Variants in CSRNP3 observed in about 807,000 individuals in gnomAD.
CSRNP3 encodes cysteine and serine rich nuclear protein 3, also known as cysteine/serine-rich nuclear protein 3.
A neutral mutation model predicts 48.0 loss-of-function variants in CSRNP3; 12 were observed. The observed-to-expected ratio is 0.25, with a 90% CI of 0.16 to 0.41. The LOEUF is 0.41. CSRNP3 is among the 10% of genes least tolerant of loss of function. The pLI, the probability that CSRNP3 is intolerant of heterozygous loss-of-function variation, is 1.00. For missense variants in CSRNP3, 580 were observed against 724.4 expected, an observed-to-expected ratio of 0.80 and a Z score of 2.29; for synonymous variants, 263 against 269.7, an observed-to-expected ratio of 0.98 and a Z score of 0.24.
chr2:165,661,495 C>T (rs1281180439), intron 5 of CSRNP3, among the ~76,000 whole-genome samples: 1 of 152,140 alleles, frequency 6.6e-6, no homozygotes. Context: ...CTGTATCATG[C>T]AAGGATATTG....
chr2:165,492,724 T>TAAAAAAAA (rs11304265), intron 1 of CSRNP3, among the ~76,000 whole-genome samples: 1 of 110,158 alleles, frequency 9.1e-6, no homozygotes, highest in Non-Finnish European at 1.8e-5. Flanking sequence ...ACTATTAGAG[T>TAAAAAAAA]AAAAAAAAAA....
At chr2:165,513,872 C>A (rs1037837585) in intron 2 of CSRNP3, among the ~76,000 whole-genome samples, 2 of 152,112 alleles carry the variant, frequency 1.3e-5, no homozygotes, top group African/African-American at 4.8e-5. Context: ...CTTTACTTTC[C>A]CCATCAGCAT....
chr2:165,569,988 G>A (rs1685347192), intron 3 of CSRNP3, among the ~76,000 whole-genome samples: 1 of 151,868 alleles, frequency 6.6e-6, no homozygotes, highest in Admixed American at 6.6e-5. Flanking sequence ...ATTCTTTTAA[G>A]CAATCATTAG....
intron 4 of CSRNP3, among the ~76,000 whole-genome samples, chr2:165,645,745 AT>A (rs1425124938): frequency 6.6e-6 from 1 of 151,588 alleles, no homozygotes; most frequent in Non-Finnish European, 1.5e-5. Flanking sequence ...TCTCCATTTT[AT>A]TTGTTTATTT....
chr2:165,623,300 A>G (rs1276890854), intron 4 of CSRNP3, among the ~76,000 whole-genome samples: 3 of 152,120 alleles, frequency 2.0e-5, no homozygotes, highest in Non-Finnish European at 4.4e-5. Flanking sequence ...CGCCTGAGCT[A>G]CGCCTCTTGT....
chr2:165,657,802 A>C lies in CSRNP3; in HGVS notation c.190A>C (p.Asn64His). 1.2e-6 allele frequency: 2 copies of C among 1,614,120 alleles called. No individual in the cohort carries two copies. Among genetic ancestry groups the C allele is most frequent in the Non-Finnish European group, 1.7e-6 (2 of 1,180,010 alleles). ...AAGGGAGAAACGACTGAGGACAAAG[A>C]ATGTACATTTTAGTTGTGTCACCGT... ...LKREKRLRTK[N>H]VHFSCVTVYY... The change falls in exon 5 of 7, where the codon AAT (asparagine) becomes CAT (histidine). Residue 64 changes from asparagine (N) to histidine (H), a missense_variant. Around this residue, in one of 4 missense-constraint regions of CSRNP3, gnomAD observed 83 missense variants for 139.6 expected, o/e 0.59. Transcript: ENST00000651982.
intron 5 of CSRNP3, among the ~76,000 whole-genome samples, chr2:165,664,853 A>T (rs1397373436): frequency 2.0e-5 from 3 of 152,164 alleles, no homozygotes; most frequent in Non-Finnish European, 2.9e-5. Flanking sequence ...AAACAAACAA[A>T]CAATAAATAA....
chr2:165,688,249 C>A lies in CSRNP3; in HGVS notation c.*8496C>A, dbSNP rs1573971772. On this transcript the variant is annotated 3_prime_UTR_variant, in exon 7 of 7. Transcript: ENST00000651982. ...AGTAAAAAAATAAAATAAAAATAAA[C>A]CTGTAGATTACAGCTCTGTTCCTAA... The A allele has an allele frequency of 6.6e-6, 1 of 151,882 alleles. No homozygotes were observed. Among genetic ancestry groups the A allele is most frequent in the Non-Finnish European group, 1.5e-5 (1 of 67,938 alleles). 9.4% of individuals were successfully genotyped at this position (151,882 alleles called of 1,614,324 possible). A position where few individuals can be genotyped will look rare whatever the true frequency, so the allele number is the denominator to read the frequency against.
intron 3 of CSRNP3, among the ~76,000 whole-genome samples, chr2:165,590,491 A>G (rs1463265733): frequency 1.3e-5 from 2 of 152,224 alleles, no homozygotes; most frequent in Non-Finnish European, 2.9e-5. Flanking sequence ...GAAATTAGTA[A>G]TAAATACTTA....
intron 4 of CSRNP3, among the ~76,000 whole-genome samples, chr2:165,633,080 T>C (rs1421058467): frequency 1.3e-5 from 2 of 152,260 alleles, no homozygotes; most frequent in East Asian, 3.8e-4. Context: ...AAGTGAACTA[T>C]ACACTGATTG....
intron 2 of CSRNP3, among the ~76,000 whole-genome samples, chr2:165,506,588 G>T (rs908995889): frequency 6.6e-6 from 1 of 152,036 alleles, no homozygotes; most frequent in African/African-American, 2.4e-5. Context: ...GACTTACATC[G>T]CCTCTTCCTT....
intron 4 of CSRNP3, among the ~76,000 whole-genome samples, chr2:165,602,032 TTA>T (rs1390854710): frequency 3.3e-5 from 5 of 152,164 alleles, no homozygotes; most frequent in African/African-American, 1.2e-4. Flanking sequence ...CAGTGATAAA[TTA>T]TGTCTACCCA....
At chr2:165,650,580 C>T (rs1356108966) in intron 4 of CSRNP3, among the ~76,000 whole-genome samples, 1 of 152,178 alleles carries the variant, frequency 6.6e-6, no homozygotes, top group African/African-American at 2.4e-5. Context: ...ACTGGATCTT[C>T]TGTTTTTAAG....
intron 3 of CSRNP3, among the ~76,000 whole-genome samples, chr2:165,577,144 T>C (rs1274976194): frequency 7.0e-6 from 1 of 143,768 alleles, no homozygotes; most frequent in African/African-American, 2.6e-5. Flanking sequence ...GCCTATGAAA[T>C]AGAAAAAAAA....
At chr2:165,596,332 T>C (rs1261821141) in intron 4 of CSRNP3, among the ~76,000 whole-genome samples, 1 of 152,176 alleles carries the variant, frequency 6.6e-6, no homozygotes, top group Admixed American at 6.5e-5. Context: ...TGTCTTAATA[T>C]CATGACAGAT....
At chr2:165,615,891 T>G (rs972183882) in intron 4 of CSRNP3, among the ~76,000 whole-genome samples, 1 of 55,546 alleles carries the variant, frequency 1.8e-5, no homozygotes, top group African/African-American at 5.1e-5. Flanking sequence ...TTGTGGGGTT[T>G]TTTTTTTTTT....
At chr2:165,666,918 AGGG>A (rs1687227460) in intron 5 of CSRNP3, among the ~76,000 whole-genome samples, 1 of 133,148 alleles carries the variant, frequency 7.5e-6, no homozygotes, top group Non-Finnish European at 1.6e-5. Context: ...GGCGGAAGGA[AGGG>A]AGGAAAGAGA....
chr2:165,645,289 A>G (rs34977875), intron 4 of CSRNP3, among the ~76,000 whole-genome samples: 24,477 of 151,990 alleles, frequency 0.16, 3,613 homozygotes, highest in African/African-American at 0.39. Flanking sequence ...AGCTGAGATC[A>G]TGCCACTGCA....
intron 4 of CSRNP3, among the ~76,000 whole-genome samples, chr2:165,620,879 TC>T (rs990501299): frequency 3.3e-5 from 5 of 152,118 alleles, no homozygotes; most frequent in African/African-American, 1.2e-4. Flanking sequence ...CCTCAAGTTT[TC>T]CTTTCCATCC....
Sources: gnomAD v4.1 joint callset for allele counts (sites outside exome capture counted in the v4.1 genomes callset) on GRCh38, gnomAD v4.1.1 for gene constraint, gnomAD v4.1.1 regional missense constraint, MANE v1.5 for transcripts, NCBI Gene and HGNC (gene_info 2026-07-23, HGNC 2026-07-21) for gene names.